The following RABGAP1L variants were observed in gnomAD, a reference collection of about 807,000 sequenced individuals.
RABGAP1L encodes RAB GTPase activating protein 1 like.
A neutral mutation model predicts 137.7 loss-of-function variants in RABGAP1L; 63 were observed. That is an observed-to-expected ratio of 0.46 (90% CI 0.37 to 0.56). The LOEUF (loss-of-function observed/expected upper bound fraction) is 0.56. Among genes scored for constraint, RABGAP1L ranks in the 20% least tolerant of loss-of-function variants. The probability of loss-of-function intolerance (pLI) is 0.00; values close to 1 mark genes in which losing one functional copy is unlikely to be tolerated. For synonymous variants in RABGAP1L, 431 were observed against 433.7 expected (o/e 0.99, Z 0.08); for missense variants, 1,095 against 1,244.0 (o/e 0.88, Z 1.80).
At chr1:174,522,894 T>C (rs955369084) in intron 13 of RABGAP1L, among the ~76,000 whole-genome samples, 2 of 152,104 alleles carry the variant, frequency 1.3e-5, no homozygotes, top group Non-Finnish European at 2.9e-5. Context: ...AGAAATCTGC[T>C]CCCATGATTC....
At chr1:174,814,931 G>A (rs143759899) in intron 19 of RABGAP1L, among the ~76,000 whole-genome samples, 2 of 152,038 alleles carry the variant, frequency 1.3e-5, no homozygotes, top group Admixed American at 6.6e-5. Flanking sequence ...CAAGTAATCC[G>A]TCCGTCTCAG....
chr1:174,426,424 A>G (rs1284480603), intron 13 of RABGAP1L, among the ~76,000 whole-genome samples: 6 of 152,114 alleles, frequency 3.9e-5, no homozygotes, highest in Non-Finnish European at 5.9e-5. Context: ...TATTAGATAA[A>G]TGGTTTCCTA....
At chr1:174,287,561 T>G (rs191228357) in intron 10 of RABGAP1L, among the ~76,000 whole-genome samples, 1 of 152,302 alleles carries the variant, frequency 6.6e-6, no homozygotes, top group East Asian at 1.9e-4. Context: ...GACTTGATCT[T>G]GGCTCATTGC....
At position 174,685,712 on chromosome 1, in the gene RABGAP1L, C is replaced by T. The variant is rs919351573; in HGVS notation, c.1899+2116C>T. ...CCAAGTAGCTGAGATTACAGGCATG[C>T]GCCACCACACCGGGCTAATTTTTGT... is the stretch of plus-strand genomic sequence containing the variant. On this transcript the variant is annotated intron_variant, in intron 15 of 25. Coordinates refer to ENST00000681986, the MANE Select transcript of RABGAP1L (RefSeq NM_001366446.1). Among the ~76,000 whole-genome samples the T allele has an allele frequency of 1.3e-4, 20 of 151,902 alleles. No individual in the cohort carries two copies. In the East Asian group the frequency reaches 1.5e-3, roughly 12 times the overall value.
At chr1:174,598,411 A>C (rs1670145633) in intron 13 of RABGAP1L, among the ~76,000 whole-genome samples, 1 of 151,950 alleles carries the variant, frequency 6.6e-6, no homozygotes, top group Non-Finnish European at 1.5e-5. Context: ...GCTGGATGAA[A>C]TATCTATTAG....
intron 17 of RABGAP1L, among the ~76,000 whole-genome samples, chr1:174,721,386 A>G (rs1214105515): frequency 2.0e-5 from 3 of 152,226 alleles, no homozygotes; most frequent in Non-Finnish European, 2.9e-5. Context: ...TAAGGGAAAT[A>G]TCCAGCAATA....
intron 19 of RABGAP1L, among the ~76,000 whole-genome samples, chr1:174,843,878 C>A (rs200541700): frequency 0.074 from 9,662 of 130,206 alleles, 534 homozygotes; most frequent in East Asian, 0.31. Context: ...TCCACATCCT[C>A]TCCAGCACCT....
At chr1:174,596,053 C>T (rs369789297) in intron 13 of RABGAP1L, among the ~76,000 whole-genome samples, 4,123 of 110,548 alleles carry the variant, frequency 0.037, 448 homozygotes, top group African/African-American at 0.19. Flanking sequence ...GATATAGTCT[C>T]GTGGTGCGCC....
At chr1:174,472,093 C>T (rs540283906) in intron 13 of RABGAP1L, among the ~76,000 whole-genome samples, 12 of 152,326 alleles carry the variant, frequency 7.9e-5, no homozygotes, top group African/African-American at 1.9e-4. Context: ...TCAGCCAGCA[C>T]CTTGATCTTG....
chr1:174,259,232 A>G (rs930479074), intron 7 of RABGAP1L, among the ~76,000 whole-genome samples: 4 of 152,060 alleles, frequency 2.6e-5, no homozygotes, highest in African/African-American at 9.7e-5. Context: ...AACAAGCACT[A>G]TGTTGTTTAT....
chr1:174,547,736 A>G, intron 13 of RABGAP1L: 1 of 992,496 alleles, frequency 1.0e-6, no homozygotes, highest in Admixed American at 2.5e-5. Flanking sequence ...CAAAGTTTGG[A>G]TATGGAGTCA....
intron 19 of RABGAP1L, among the ~76,000 whole-genome samples, chr1:174,927,688 A>C (rs574228352): frequency 6.6e-6 from 1 of 152,308 alleles, no homozygotes; most frequent in African/African-American, 2.4e-5. Flanking sequence ...AGTAGCTAGG[A>C]CTATAGGTGC....
chr1:174,810,416 A>T (rs1015354903), intron 18 of RABGAP1L, among the ~76,000 whole-genome samples: 18 of 152,220 alleles, frequency 1.2e-4, no homozygotes, highest in African/African-American at 4.3e-4. Flanking sequence ...GGATTGGACT[A>T]CATGTCTTGC....
Position 174,463,277 on chromosome 1 carries a change from G to GCT in RABGAP1L, c.1710+69132_1710+69133insCT, listed in dbSNP as rs1309564567. Reference sequence around the variant, plus strand: ...GGAACTAACCCAAATGTCCAACAATGATAGACTGGATTAAGAAAATGTGGC... The same window carrying GCT: ...GGAACTAACCCAAATGTCCAACAATGCTATAGACTGGATTAAGAAAATGTGGC... On this transcript the variant is annotated intron_variant, in intron 13 of 25. Transcript: ENST00000681986. Among the ~76,000 whole-genome samples the GCT allele has an allele frequency of 1.2e-4, 19 of 152,098 alleles. No individual in the cohort carries two copies. In the East Asian group the frequency reaches 3.5e-3, roughly 28 times the overall value.
At chr1:174,516,120 T>TACACACAC (rs61414923) in intron 13 of RABGAP1L, among the ~76,000 whole-genome samples, 7,673 of 133,182 alleles carry the variant, frequency 0.058, 288 homozygotes, top group Admixed American at 0.095. Flanking sequence ...ACTGAAGCTC[T>TACACACAC]ACACACACAC....
At chr1:174,688,601 T>C (rs952190506) in intron 15 of RABGAP1L, among the ~76,000 whole-genome samples, 2 of 152,144 alleles carry the variant, frequency 1.3e-5, no homozygotes, top group African/African-American at 2.4e-5. Flanking sequence ...AAAATACATG[T>C]ATTACTTTTG....
intron 14 of RABGAP1L, among the ~76,000 whole-genome samples, chr1:174,673,775 A>G (rs930259276): frequency 3.9e-5 from 6 of 152,178 alleles, no homozygotes; most frequent in Admixed American, 1.3e-4. Context: ...AAATTCTTAT[A>G]TGGACTGGGG....
chr1:174,342,213 G>GTAGCC (rs1682033139), intron 11 of RABGAP1L, among the ~76,000 whole-genome samples: 2 of 152,128 alleles, frequency 1.3e-5, no homozygotes, highest in South Asian at 4.2e-4. Flanking sequence ...ATTTTAAATG[G>GTAGCC]TAGCCTAATA....
chr1:174,220,806 C>T (rs1196110363), intron 2 of RABGAP1L, 166 bp from the exon 3 acceptor site: 1 of 496,616 alleles, frequency 2.0e-6, no homozygotes, highest in Non-Finnish European at 3.2e-6. Flanking sequence ...AGTTTTATAA[C>T]CAGGATTTTA....
Sources: allele counts gnomAD v4.1 joint callset (sites outside exome capture counted in the v4.1 genomes callset), GRCh38; gene constraint gnomAD v4.1.1; transcripts MANE v1.5; gene names NCBI Gene and HGNC (gene_info 2026-07-23, HGNC 2026-07-21).